ABCC1: variants seen among roughly 807,000 people sequenced by gnomAD.
The protein encoded by ABCC1 is ATP binding cassette subfamily C member 1 (ABCC1 blood group).
ABCC1 carries 83 observed loss-of-function variants against 172.9 expected under a neutral mutation model. The observed-to-expected ratio is 0.48, with a 90% CI of 0.40 to 0.58. The LOEUF is 0.58. Ranked by LOEUF, ABCC1 falls within the 20% of genes least tolerant of loss-of-function variation. The pLI is 0.00. For missense variants in ABCC1, 1,817 were observed against 2,002.7 expected, an observed-to-expected ratio of 0.91 and a Z score of 1.77; for synonymous variants, 937 against 825.2, an observed-to-expected ratio of 1.14 and a Z score of -2.32.
At position 16,053,311 on chromosome 16, in the gene ABCC1, G is replaced by A. The variant is rs1038215283; in HGVS notation, c.1473+495G>A. ...TAAAATAATTAATTTCTAAAATGGG[G>A]CCTTGCTGTGTTGCCCAGGCTGGTC... On this transcript the variant is annotated intron_variant, in intron 11 of 30. Transcript: ENST00000399410. Among the ~76,000 whole-genome samples, 3 of 151,964 alleles carry A rather than the reference G, an allele frequency of 2.0e-5. No individual in the cohort carries two copies. The East Asian group carries it at 5.8e-4, about 29-fold the overall frequency.
At chr16:16,001,378 A>G (rs1361912838) in intron 1 of ABCC1, among the ~76,000 whole-genome samples, 1 of 151,876 alleles carries the variant, frequency 6.6e-6, no homozygotes, top group Admixed American at 6.6e-5. Context: ...ACGCCCGGCT[A>G]ATTTTTTGTA....
In ABCC1 at chr16:16,009,759, A is replaced by C. The variant is rs777159897; in HGVS notation, c.226-17A>C. The C allele has an allele frequency of 4.4e-6, 7 of 1,598,748 alleles. No homozygotes were observed. Among genetic ancestry groups the C allele is most frequent in the Non-Finnish European group, 6.0e-6 (7 of 1,172,546 alleles). ...CAGGGCGGTCTGTTGTAGGATATGT[A>C]TGTGCTTCTCTTCCAGGCCTTGGGA... On this transcript the variant is annotated splice_polypyrimidine_tract_variant and intron_variant, in intron 2 of 30. Transcript: ENST00000399410.
chr16:16,111,534 C>T lies in ABCC1; in HGVS notation c.3031C>T (p.His1011Tyr). 2 of 1,614,120 alleles carry T rather than the reference C, an allele frequency of 1.2e-6. No individual in the cohort carries two copies. The highest frequency in any genetic ancestry group is 8.5e-7 in the Non-Finnish European group (1 of 1,180,028). ...DDPIVNGTQE[H>Y]TKVRLSVYGA... Reference sequence around the variant, plus strand: ...CCCCATCGTCAACGGGACTCAGGAGCACACGAAAGTCCGGCTGAGCGTCTA... The same window carrying T: ...CCCCATCGTCAACGGGACTCAGGAGTACACGAAAGTCCGGCTGAGCGTCTA... Residue 1011 changes from histidine (H) to tyrosine (Y), a missense_variant, in exon 22 of 31, where the codon CAC (histidine) becomes TAC (tyrosine). By Grantham distance (83) the His-to-Tyr change is moderately conservative. Coordinates refer to ENST00000399410, the MANE Select transcript of ABCC1 (RefSeq NM_004996.4).
At chr16:16,121,200 G>C (rs1356207093) in intron 23 of ABCC1, among the ~76,000 whole-genome samples, 1 of 152,094 alleles carries the variant, frequency 6.6e-6, no homozygotes, top group African/African-American at 2.4e-5. Flanking sequence ...TGTTTCGTTT[G>C]TTTTCTTAAT....
Position 16,056,111 on chromosome 16 carries a change from A to G in ABCC1, c.1493A>G (p.Lys498Arg). The change falls in exon 12 of 31, where the codon AAA becomes AGA. Residue 498 changes from lysine to arginine, a missense_variant. Physicochemically the swap from Lys to Arg is conservative, Grantham distance 26. Coordinates refer to ENST00000399410, the MANE Select transcript of ABCC1 (RefSeq NM_004996.4). ...TCCAAGGTGGCCCACATGAAGAGCA[A>G]AGACAATCGGATCAAGCTGATGAAC... is the stretch of plus-strand genomic sequence containing the variant. Reference protein sequence around the residue: ...KTYQVAHMKSKDNRIKLMNEI... With the variant: ...KTYQVAHMKSRDNRIKLMNEI... The G allele has an allele frequency of 6.2e-7, 1 of 1,614,150 alleles. No homozygotes were observed. Among genetic ancestry groups the G allele is most frequent in the Non-Finnish European group, 8.5e-7 (1 of 1,180,038 alleles).
At chr16:15,962,197 C>G (rs1271023480) in intron 1 of ABCC1, among the ~76,000 whole-genome samples, 1 of 152,156 alleles carries the variant, frequency 6.6e-6, no homozygotes, top group Non-Finnish European at 1.5e-5. Context: ...TTCCAGAGGT[C>G]AGGAGATCAA....
chr16:16,041,263 T>G (rs981860481), intron 7 of ABCC1, among the ~76,000 whole-genome samples: 32 of 152,100 alleles, frequency 2.1e-4, no homozygotes, highest in African/African-American at 7.7e-4. Flanking sequence ...GAGCATTTTC[T>G]GAGAATTCAG....
chr16:15,989,124 T>C (rs2046805128), intron 1 of ABCC1, among the ~76,000 whole-genome samples: 1 of 151,346 alleles, frequency 6.6e-6, no homozygotes, highest in Admixed American at 6.6e-5. Flanking sequence ...TTCAGTTCTG[T>C]GTCTTGGACG....
intron 3 of ABCC1, among the ~76,000 whole-genome samples, chr16:16,013,022 CCTGGGGGAAACAGGGGTGAT>C (rs1467300520): frequency 1.3e-5 from 2 of 151,992 alleles, no homozygotes; most frequent in Non-Finnish European, 2.9e-5. Context: ...CCTCTGTCAC[CCTGGGGGAAACAGGGGTGAT>C]AGTCTGAGGG....
chr16:16,132,505 TG>T lies in ABCC1; in HGVS notation c.3966+572del, dbSNP rs763939819. On this transcript the variant is annotated intron_variant, in intron 27 of 30. Coordinates refer to ENST00000399410, the MANE Select transcript of ABCC1 (RefSeq NM_004996.4). Reference sequence around the variant, plus strand: ...AGAAGTTCTTTTTTTGTTTTTTGGTTGGTTGTTTTTTTTTTTTTTTTTTTTT... The same window carrying T: ...AGAAGTTCTTTTTTTGTTTTTTGGTTGTTGTTTTTTTTTTTTTTTTTTTTT... Among the ~76,000 whole-genome samples, 26 of 114,862 alleles carry T rather than the reference TG, an allele frequency of 2.3e-4. 1 individual carries two copies. Among genetic ancestry groups the T allele is most frequent in the Non-Finnish European group, 3.5e-4 (19 of 54,480 alleles). 75.4% of individuals were successfully genotyped at this position (114,862 alleles called of 152,430 possible).
Position 16,098,465 on chromosome 16 carries a change from G to A in ABCC1, c.2645-4162G>A, listed in dbSNP as rs556431383. Among the ~76,000 whole-genome samples the A allele has an allele frequency of 1.6e-4, 25 of 152,238 alleles. No individual in the cohort carries two copies. In the East Asian group the frequency reaches 4.5e-3, roughly 27 times the overall value. On this transcript the variant is annotated intron_variant, in intron 19 of 30. Transcript: ENST00000399410. ...AAAACCCCGTCTCTACTAAAAATAC[G>A]AAAATTAGCCAGGTGTGGTGGCGGG...
At chr16:16,020,966 G>A (rs1303825789) in intron 5 of ABCC1, among the ~76,000 whole-genome samples, 6 of 152,164 alleles carry the variant, frequency 3.9e-5, no homozygotes, top group African/African-American at 7.2e-5. Flanking sequence ...ATGTCACTTC[G>A]CTTGGTTGTA....
chr16:15,966,894 C>T (rs4781700), intron 1 of ABCC1, among the ~76,000 whole-genome samples: 23,962 of 152,108 alleles, frequency 0.16, 2,086 homozygotes, highest in Non-Finnish European at 0.19. Flanking sequence ...TAGCTCACTG[C>T]AGCCTTAAAC....
rs534352112 is a variant in ABCC1, at chr16:16,004,347, C to T, written c.49-3469C>T. Among the ~76,000 whole-genome samples, 3 of 152,246 alleles carry T rather than the reference C, an allele frequency of 2.0e-5. No homozygotes were observed. The East Asian group carries it at 5.8e-4, about 29-fold the overall frequency. On this transcript the variant is annotated intron_variant, in intron 1 of 30. Coordinates refer to ENST00000399410, the MANE Select transcript of ABCC1 (RefSeq NM_004996.4). ...ATATGTCAAGTCTTGGTATCGTTTT[C>T]TTTCTAGCAGGGCACATTCCTTTGG...
intron 17 of ABCC1, among the ~76,000 whole-genome samples, chr16:16,085,619 A>G (rs2050976321): frequency 6.6e-6 from 1 of 152,156 alleles, no homozygotes; most frequent in Non-Finnish European, 1.5e-5. Flanking sequence ...ACCTCTACTA[A>G]AAATACAAAA....
intron 1 of ABCC1, among the ~76,000 whole-genome samples, chr16:15,980,862 G>A (rs186287868): frequency 2.0e-5 from 3 of 152,272 alleles, no homozygotes; most frequent in African/African-American, 7.2e-5. Context: ...GACAAGGCAA[G>A]TCCCTTCTGC....
chr16:16,003,189 T>A (rs2047381374), intron 1 of ABCC1, among the ~76,000 whole-genome samples: 1 of 151,112 alleles, frequency 6.6e-6, no homozygotes, highest in East Asian at 2.0e-4. Context: ...AATTGGTAGG[T>A]GGGTAGGGTG....
chr16:16,027,348 A>G (rs1382311570), intron 5 of ABCC1, among the ~76,000 whole-genome samples: 1 of 152,172 alleles, frequency 6.6e-6, no homozygotes, highest in Non-Finnish European at 1.5e-5. Context: ...TTTATAATAC[A>G]TAAATGAATG....
intron 21 of ABCC1, among the ~76,000 whole-genome samples, chr16:16,107,599 T>A (rs983865524): frequency 1.2e-4 from 19 of 152,202 alleles, no homozygotes; most frequent in Non-Finnish European, 7.3e-5. Flanking sequence ...TGTTTTTCAT[T>A]TCTCATTTGG....
Sources: allele counts gnomAD v4.1 joint callset (sites outside exome capture counted in the v4.1 genomes callset), GRCh38; gene constraint gnomAD v4.1.1; transcripts MANE v1.5; gene names NCBI Gene and HGNC (gene_info 2026-07-23, HGNC 2026-07-21).